CNTNAP3: variants seen among roughly 807,000 people sequenced by gnomAD.
CNTNAP3 encodes contactin associated protein family member 3.
A neutral mutation model predicts 92.1 loss-of-function variants in CNTNAP3; 36 were observed. That is an observed-to-expected ratio of 0.39 (90% CI 0.30 to 0.52). The LOEUF (loss-of-function observed/expected upper bound fraction) is 0.52. CNTNAP3 is among the 20% of genes least tolerant of loss of function. The pLI, the probability that CNTNAP3 is intolerant of heterozygous loss-of-function variation, is 0.76. For missense variants in CNTNAP3, 534 were observed against 1,069.6 expected, an observed-to-expected ratio of 0.50 and a Z score of 6.98; for synonymous variants, 232 against 422.3, an observed-to-expected ratio of 0.55 and a Z score of 5.53.
intron 12 of CNTNAP3, among the ~76,000 whole-genome samples, chr9:39,134,305 TA>T (rs1360745766): frequency 6.6e-6 from 1 of 152,178 alleles, no homozygotes; most frequent in African/African-American, 2.4e-5. Flanking sequence ...AATTTTAAAT[TA>T]AATTATCACT....
rs1180640745 is a variant in CNTNAP3, at chr9:39,072,006, A to G, written c.*1884T>C. The stretch of plus-strand genomic sequence containing the variant: ...CCCTAAAATATTTTTTATTTTATTT[A>G]AAAATGAGTTTATTTTCAAATAAGA... On this transcript the variant is annotated 3_prime_UTR_variant, in exon 24 of 24. Coordinates refer to ENST00000297668, the MANE Select transcript of CNTNAP3 (RefSeq NM_033655.5). Among the ~76,000 whole-genome samples the G allele has an allele frequency of 9.3e-6, 1 of 107,422 alleles. No homozygotes were observed. Among genetic ancestry groups the G allele is most frequent in the Non-Finnish European group, 1.8e-5 (1 of 56,254 alleles). 70.5% of individuals were successfully genotyped at this position (107,422 alleles called of 152,430 possible).
intron 13 of CNTNAP3, among the ~76,000 whole-genome samples, chr9:39,126,799 A>G (rs1334603807): frequency 6.6e-6 from 1 of 151,958 alleles, no homozygotes; most frequent in Non-Finnish European, 1.5e-5. Flanking sequence ...ACAGATCCAC[A>G]ATTATAGTAC....
chr9:39,142,565 G>A (rs1453989384), intron 11 of CNTNAP3, among the ~76,000 whole-genome samples: 5 of 152,002 alleles, frequency 3.3e-5, no homozygotes, highest in East Asian at 1.9e-4. Context: ...CCAGCTACTC[G>A]GGAGGCTGAG....
chr9:39,081,219 A>G (rs983574376), intron 21 of CNTNAP3, among the ~76,000 whole-genome samples: 10 of 150,630 alleles, frequency 6.6e-5, no homozygotes, highest in Non-Finnish European at 1.5e-4. Flanking sequence ...ACTACTATTT[A>G]TTGTTTATCA....
At chr9:39,080,280 TA>T (rs1825900533) in intron 21 of CNTNAP3, among the ~76,000 whole-genome samples, 1 of 139,610 alleles carries the variant, frequency 7.2e-6, no homozygotes, top group African/African-American at 2.7e-5. Flanking sequence ...TCTCAATATC[TA>T]ATCACCTTTC....
intron 18 of CNTNAP3, among the ~76,000 whole-genome samples, chr9:39,094,465 A>G (rs1265817230): frequency 2.6e-5 from 4 of 151,642 alleles, no homozygotes; most frequent in East Asian, 3.8e-4. Context: ...ATCTGCCTAT[A>G]TATCTTCTAA....
intron 13 of CNTNAP3, among the ~76,000 whole-genome samples, chr9:39,119,036 G>C (rs1820936889): frequency 6.6e-6 from 1 of 152,154 alleles, no homozygotes; most frequent in Non-Finnish European, 1.5e-5. Flanking sequence ...GCACATCACA[G>C]TAAAGTTAGG....
chr9:39,103,296 T>C (rs1826511932), intron 16 of CNTNAP3, among the ~76,000 whole-genome samples: 2 of 152,244 alleles, frequency 1.3e-5, no homozygotes, highest in African/African-American at 2.4e-5. Flanking sequence ...TAAAAATGAT[T>C]ACTGGCTGGG....
At chr9:39,128,318 A>G (rs938289906) in intron 13 of CNTNAP3, among the ~76,000 whole-genome samples, 1 of 152,110 alleles carries the variant, frequency 6.6e-6, no homozygotes, top group Admixed American at 6.5e-5. Context: ...AATATCTCTT[A>G]TGAATTTGAA....
intron 12 of CNTNAP3, among the ~76,000 whole-genome samples, chr9:39,136,160 T>TAATAATAATAAA (rs989573403): frequency 1.3e-4 from 17 of 134,802 alleles, no homozygotes; most frequent in African/African-American, 4.3e-4. Context: ...ATAATAATAA[T>TAATAATAATAAA]AATAAAAATA....
intron 13 of CNTNAP3, among the ~76,000 whole-genome samples, chr9:39,128,627 G>A (rs941458472): frequency 9.9e-5 from 15 of 152,060 alleles, no homozygotes; most frequent in Non-Finnish European, 2.2e-4. Context: ...AACAAGGCAA[G>A]GATGTCTGCC....
chr9:39,112,653 C>G (rs1157017612), intron 14 of CNTNAP3, among the ~76,000 whole-genome samples: 1 of 152,072 alleles, frequency 6.6e-6, no homozygotes, highest in African/African-American at 2.4e-5. Context: ...TGTGAGCCAC[C>G]GCGCCCAGCC....
At chr9:39,107,583 C>T (rs1490886139) in intron 15 of CNTNAP3, among the ~76,000 whole-genome samples, 2 of 151,936 alleles carry the variant, frequency 1.3e-5, no homozygotes, top group East Asian at 3.9e-4. Context: ...ATCAAAGACC[C>T]AAACAAAATC....
chr9:39,096,775 A>G (rs191732591), intron 18 of CNTNAP3, among the ~76,000 whole-genome samples: 42 of 151,658 alleles, frequency 2.8e-4, no homozygotes, highest in Non-Finnish European at 4.9e-4. Context: ...GTTTCCTTGT[A>G]TATATGATTT....
intron 9 of CNTNAP3, among the ~76,000 whole-genome samples, chr9:39,151,912 T>C (rs1471067014): frequency 6.6e-6 from 1 of 150,704 alleles, no homozygotes. Flanking sequence ...AAACCTAATA[T>C]TGGCATGACA....
intron 13 of CNTNAP3, among the ~76,000 whole-genome samples, chr9:39,126,221 A>C (rs1821149575): frequency 6.6e-6 from 1 of 152,140 alleles, no homozygotes; most frequent in Non-Finnish European, 1.5e-5. Context: ...AATACCAAAA[A>C]ATTTAAAAAC....
intron 13 of CNTNAP3, among the ~76,000 whole-genome samples, chr9:39,127,055 GTATATTCTC>G (rs1563886113): frequency 6.6e-6 from 1 of 151,590 alleles, no homozygotes; most frequent in Non-Finnish European, 1.5e-5. Flanking sequence ...ATCATACAAA[GTATATTCTC>G]TAAGCATAAT....
intron 18 of CNTNAP3, among the ~76,000 whole-genome samples, chr9:39,091,458 T>C (rs1474382979): frequency 2.0e-5 from 3 of 152,266 alleles, no homozygotes; most frequent in Admixed American, 6.5e-5. Context: ...GAGACTATCA[T>C]GTGTTTCTGT....
intron 13 of CNTNAP3, among the ~76,000 whole-genome samples, chr9:39,120,488 G>A (rs1258575011): frequency 1.3e-5 from 2 of 152,116 alleles, no homozygotes; most frequent in Non-Finnish European, 2.9e-5. Flanking sequence ...TGGCTAACAC[G>A]GTGAAACCCC....
Sources: allele counts gnomAD v4.1 joint callset (sites outside exome capture counted in the v4.1 genomes callset), GRCh38; gene constraint gnomAD v4.1.1; transcripts MANE v1.5; gene names NCBI Gene and HGNC (gene_info 2026-07-23, HGNC 2026-07-21).